Variants in KAT6B observed in about 807,000 individuals in gnomAD.
KAT6B encodes the protein lysine acetyltransferase 6B.
In KAT6B, 10 loss-of-function variants were observed where a neutral mutation model predicts 187.5. The observed-to-expected ratio is 0.05, with a 90% CI of 0.03 to 0.09. KAT6B has a LOEUF of 0.09. Ranked by LOEUF, KAT6B falls within the 10% of genes least tolerant of loss-of-function variation. The pLI, the probability that KAT6B is intolerant of heterozygous loss-of-function variation, is 1.00. For missense variants in KAT6B, 1,952 were observed against 2,558.9 expected (o/e 0.76, Z 5.12); for synonymous variants, 861 against 926.8 (o/e 0.93, Z 1.29).
At position 74,939,996 on chromosome 10, in the gene KAT6B, C is replaced by T. The variant is rs576586439; in HGVS notation, c.622-19974C>T. On this transcript the variant is annotated intron_variant, in intron 3 of 17. Coordinates refer to ENST00000287239, the MANE Select transcript of KAT6B (RefSeq NM_012330.4). ...GGACTGGGTTGAGAAGTTGAGACTG[C>T]TGCAACTTCTTTTTTTAAGGTGTTA... Among the ~76,000 whole-genome samples the T allele has an allele frequency of 3.3e-5, 5 of 152,194 alleles. No homozygotes were observed. In the East Asian group the frequency reaches 9.7e-4, roughly 29 times the overall value.
chr10:74,879,749 G>A (rs984143983), intron 3 of KAT6B, among the ~76,000 whole-genome samples: 1 of 152,092 alleles, frequency 6.6e-6, no homozygotes, highest in East Asian at 1.9e-4. Context: ...TAAGCTTCTG[G>A]TGCTGACTAG....
chr10:74,973,669 T>C (rs1438369932), intron 7 of KAT6B, among the ~76,000 whole-genome samples: 1 of 152,184 alleles, frequency 6.6e-6, no homozygotes, highest in East Asian at 1.9e-4. Context: ...AAATGCAGGC[T>C]CCTTTCTAGA....
intron 13 of KAT6B, among the ~76,000 whole-genome samples, chr10:74,997,421 C>T (rs748649909): frequency 1.8e-4 from 27 of 152,120 alleles, no homozygotes; most frequent in Non-Finnish European, 3.4e-4. Context: ...TCATTCAGTC[C>T]TCACGGCAAC....
chr10:74,909,439 G>T (rs767196263), intron 3 of KAT6B, among the ~76,000 whole-genome samples: 2 of 152,222 alleles, frequency 1.3e-5, no homozygotes, highest in Non-Finnish European at 2.9e-5. Flanking sequence ...GTTTACCCTT[G>T]TGTATACAGA....
chr10:75,017,088 C>G (rs1383864328), intron 13 of KAT6B, among the ~76,000 whole-genome samples: 1 of 151,794 alleles, frequency 6.6e-6, no homozygotes, highest in Non-Finnish European at 1.5e-5. Context: ...GTCTCGAACT[C>G]CTGACCTCAG....
intron 3 of KAT6B, among the ~76,000 whole-genome samples, chr10:74,899,393 C>T (rs546063359): frequency 6.6e-6 from 1 of 151,500 alleles, no homozygotes; most frequent in African/African-American, 2.4e-5. Context: ...CCTGCCTCAC[C>T]CTCCCCAGTA....
intron 4 of KAT6B, among the ~76,000 whole-genome samples, chr10:74,968,384 G>GTT (rs879482770): frequency 2.7e-5 from 4 of 146,414 alleles, no homozygotes; most frequent in Admixed American, 2.1e-4. Context: ...GATGTTTAGA[G>GTT]TTTTTTTTTT....
chr10:74,980,142 G>A (rs941503129), intron 10 of KAT6B, among the ~76,000 whole-genome samples: 1 of 152,186 alleles, frequency 6.6e-6, no homozygotes, highest in Non-Finnish European at 1.5e-5. Flanking sequence ...TCAGGTGACA[G>A]ACCAAGATCC....
intron 3 of KAT6B, among the ~76,000 whole-genome samples, chr10:74,940,517 G>A (rs528669343): frequency 2.7e-5 from 4 of 150,716 alleles, no homozygotes; most frequent in African/African-American, 4.9e-5. Flanking sequence ...CTCGTGATTC[G>A]CCCGCCTCAG....
chr10:74,958,644 A>G (rs1029981263), intron 3 of KAT6B, among the ~76,000 whole-genome samples: 1 of 152,226 alleles, frequency 6.6e-6, no homozygotes, highest in Non-Finnish European at 1.5e-5. Context: ...CAATGGAAAT[A>G]CTAAAATGTA....
chr10:74,977,032 G>C (rs1044527126), intron 8 of KAT6B: 4 of 347,258 alleles, frequency 1.2e-5, no homozygotes, highest in African/African-American at 8.5e-5. Flanking sequence ...TTCTAATCTT[G>C]GTTGAAAAAT....
At chr10:74,854,458 GTA>G (rs1184640517) in intron 3 of KAT6B, among the ~76,000 whole-genome samples, 1 of 151,628 alleles carries the variant, frequency 6.6e-6, no homozygotes, top group Non-Finnish European at 1.5e-5. Flanking sequence ...TATGTAGAGT[GTA>G]TGTTTTTTCT....
intron 13 of KAT6B, among the ~76,000 whole-genome samples, chr10:75,016,058 A>G (rs766436673): frequency 9.8e-5 from 15 of 152,372 alleles, no homozygotes; most frequent in Non-Finnish European, 1.8e-4. Flanking sequence ...TTCATTTTCA[A>G]TGAGCGTTAA....
At chr10:75,000,823 A>C (rs1348323351) in intron 13 of KAT6B, among the ~76,000 whole-genome samples, 1 of 152,176 alleles carries the variant, frequency 6.6e-6, no homozygotes, top group Non-Finnish European at 1.5e-5. Flanking sequence ...TTAGGCATTC[A>C]CTTCGGGGAA....
At chr10:75,014,253 T>C (rs963431695) in intron 13 of KAT6B, among the ~76,000 whole-genome samples, 1 of 152,042 alleles carries the variant, frequency 6.6e-6, no homozygotes, top group Non-Finnish European at 1.5e-5. Flanking sequence ...GGTGGGAGGA[T>C]CGCTTGAGCC....
At chr10:74,922,014 A>G (rs1778964224) in intron 3 of KAT6B, among the ~76,000 whole-genome samples, 1 of 152,202 alleles carries the variant, frequency 6.6e-6, no homozygotes, top group African/African-American at 2.4e-5. Flanking sequence ...GACAAGGCAA[A>G]TCTGTCATCT....
chr10:74,842,563 A>G, intron 2 of KAT6B, 37 bp from the exon 3 acceptor site: 2 of 577,216 alleles, frequency 3.5e-6, no homozygotes, highest in South Asian at 4.6e-5. Context: ...TGTAAGCTTC[A>G]TTATTAAGAG....
At chr10:74,846,274 A>G in intron 3 of KAT6B, among the ~76,000 whole-genome samples, 1 of 152,136 alleles carries the variant, frequency 6.6e-6, no homozygotes, top group East Asian at 1.9e-4. Flanking sequence ...CTGTGGCAGA[A>G]TGTGGGCATA....
chr10:75,003,930 T>C (rs1844026494), intron 13 of KAT6B, among the ~76,000 whole-genome samples: 1 of 152,216 alleles, frequency 6.6e-6, no homozygotes, highest in Non-Finnish European at 1.5e-5. Flanking sequence ...TTTGTATTCA[T>C]TGCCTCAATG....
Sources: gnomAD v4.1 joint callset for allele counts (sites outside exome capture counted in the v4.1 genomes callset) on GRCh38, gnomAD v4.1.1 for gene constraint, MANE v1.5 for transcripts, NCBI Gene and HGNC (gene_info 2026-07-23, HGNC 2026-07-21) for gene names.